The following IQSEC3 variants were observed in gnomAD, a reference collection of about 807,000 sequenced individuals.
IQSEC3 encodes the protein IQ motif and SEC7 domain-containing protein 3.
IQSEC3 carries 50 observed loss-of-function variants against 105.4 expected under a neutral mutation model. The observed-to-expected ratio is 0.47, with a 90% CI of 0.38 to 0.60. The LOEUF (loss-of-function observed/expected upper bound fraction) is 0.60. IQSEC3 is among the 20% of genes least tolerant of loss of function. IQSEC3 has a pLI of 0.00. For missense variants in IQSEC3, 1,415 were observed against 1,630.0 expected (o/e 0.87, Z 2.27); for synonymous variants, 708 against 746.0 (o/e 0.95, Z 0.83).
At chr12:155,177 C>T (rs12306762) in intron 5 of IQSEC3, among the ~76,000 whole-genome samples, 12,975 of 152,262 alleles carry the variant, frequency 0.085, 1,138 homozygotes, top group African/African-American at 0.23. Context: ...GTGAGGAGGG[C>T]CACCGGGAAA....
At position 130,454 on chromosome 12, in the gene IQSEC3, A is replaced by G. The variant is rs1373676110; in HGVS notation, c.903+4542A>G. 2.0e-5 allele frequency among the ~76,000 whole-genome samples: 3 copies of G among 152,296 alleles called. No homozygotes were observed. The East Asian group carries it at 5.8e-4, about 29-fold the overall frequency. ...AGCCAAGACATGGACTCCGCAGCCC[A>G]TGGTTTCGACCCTGTACCTTCCACC... On this transcript the variant is annotated intron_variant, in intron 3 of 13. Coordinates refer to ENST00000538872, the MANE Select transcript of IQSEC3 (RefSeq NM_001170738.2).
At chr12:171,483 C>T in intron 13 of IQSEC3, 1 of 639,490 alleles carries the variant, frequency 1.6e-6, no homozygotes, top group Admixed American at 2.8e-5. Flanking sequence ...AAATCCACCT[C>T]CCCAGCAAAT....
intron 5 of IQSEC3, among the ~76,000 whole-genome samples, chr12:146,704 AAGGGAGGG>A (rs1178210235): frequency 2.0e-5 from 3 of 146,860 alleles, no homozygotes; most frequent in Non-Finnish European, 4.5e-5. Flanking sequence ...GAGTGGGAGG[AAGGGAGGG>A]AGGGAGGGAG....
intron 1 of IQSEC3, among the ~76,000 whole-genome samples, chr12:74,416 T>A (rs1863439420): frequency 6.6e-6 from 1 of 152,144 alleles, no homozygotes; most frequent in African/African-American, 2.4e-5. Context: ...TCTCCCAGGG[T>A]GTTTGTGACT....
intron 1 of IQSEC3, among the ~76,000 whole-genome samples, chr12:72,764 G>A (rs1190593139): frequency 1.9e-5 from 2 of 106,896 alleles, no homozygotes; most frequent in Non-Finnish European, 4.2e-5. Context: ...GGGAATCAGG[G>A]CCAGGCGTGG....
chr12:85,777 C>T (rs562231356), intron 1 of IQSEC3, among the ~76,000 whole-genome samples: 1 of 152,172 alleles, frequency 6.6e-6, no homozygotes, highest in Non-Finnish European at 1.5e-5. Context: ...TGAGCCTCCT[C>T]ATCTGTAAAA....
At chr12:120,059 G>A (rs1384120505) in intron 2 of IQSEC3, among the ~76,000 whole-genome samples, 4 of 152,164 alleles carry the variant, frequency 2.6e-5, no homozygotes, top group Non-Finnish European at 5.9e-5. Flanking sequence ...CATCTTATGA[G>A]CCAACCACCT....
In IQSEC3 at chr12:138,959, C is replaced by T; in HGVS notation, c.1596C>T (p.Thr532=). The part of the protein sequence containing the change: ...PAAGKAEQGE[T]SGREAPEAPA... ...CGGGCAAGGCCGAGCAGGGCGAGAC[C>T]TCTGGGCGGGAGGCCCCGGAAGCCC... Residue 532 remains threonine, a synonymous_variant, in exon 4 of 14, where the codon ACC becomes ACT. Transcript: ENST00000538872. The surrounding 1 kb of genome is among the most constrained non-coding windows in gnomAD (Gnocchi z 7.1). 6.4e-7 allele frequency: 1 copy of T among 1,561,972 alleles called. No homozygotes were observed. The highest frequency in any genetic ancestry group is 8.7e-7 in the Non-Finnish European group (1 of 1,154,462).
At chr12:161,872 C>CT in intron 7 of IQSEC3, 54 bp from the exon 8 acceptor site, 5 of 1,503,310 alleles carry the variant, frequency 3.3e-6, no homozygotes. Flanking sequence ...CTCCAGGGCT[C>CT]TGACACCCTC....
At chr12:173,824 T>A (rs554278863) in intron 13 of IQSEC3, among the ~76,000 whole-genome samples, 31 of 152,218 alleles carry the variant, frequency 2.0e-4, no homozygotes, top group African/African-American at 7.2e-4. Context: ...GCCAGGCTAG[T>A]CCATAGTGAC....
chr12:103,270 G>A (rs1160729833), intron 2 of IQSEC3, among the ~76,000 whole-genome samples: 1 of 150,896 alleles, frequency 6.6e-6, no homozygotes, highest in African/African-American at 2.4e-5. Context: ...TGATAATGGG[G>A]CCAAGATGAG....
chr12:115,753 T>C (rs1266348009), intron 2 of IQSEC3, among the ~76,000 whole-genome samples: 1 of 152,208 alleles, frequency 6.6e-6, no homozygotes, highest in Non-Finnish European at 1.5e-5. Context: ...GGCGGGATTT[T>C]AACCACAGTC....
intron 1 of IQSEC3, among the ~76,000 whole-genome samples, chr12:87,729 A>G (rs782802347): frequency 1.3e-5 from 2 of 152,194 alleles, no homozygotes; most frequent in Non-Finnish European, 2.9e-5. Context: ...ATGACACTGA[A>G]GACCAGTGGG....
At chr12:134,949 A>G (rs1245866994) in intron 3 of IQSEC3, among the ~76,000 whole-genome samples, 1 of 152,156 alleles carries the variant, frequency 6.6e-6, no homozygotes, top group Non-Finnish European at 1.5e-5. Context: ...AAACATGGCA[A>G]AACCCTGTCT....
At chr12:157,749 C>T (rs1428499378) in intron 7 of IQSEC3, 55 bp downstream of exon 7, 2 of 1,555,182 alleles carry the variant, frequency 1.3e-6, no homozygotes, top group African/African-American at 2.7e-5. Flanking sequence ...AGGCCCCATT[C>T]TGTGCACCGT....
intron 5 of IQSEC3, among the ~76,000 whole-genome samples, chr12:145,526 A>G (rs1555090740): frequency 6.6e-6 from 1 of 152,188 alleles, no homozygotes; most frequent in Admixed American, 6.5e-5. Flanking sequence ...CTCCTCAAAC[A>G]TGACTCAAAC....
intron 5 of IQSEC3, among the ~76,000 whole-genome samples, chr12:156,274 C>T (rs1459592027): frequency 6.6e-6 from 1 of 152,206 alleles, no homozygotes; most frequent in Non-Finnish European, 1.5e-5. Flanking sequence ...CCAGCCTCCT[C>T]CCTTTTCAGA....
intron 1 of IQSEC3, among the ~76,000 whole-genome samples, chr12:86,788 C>T (rs782494044): frequency 2.0e-5 from 3 of 151,990 alleles, no homozygotes; most frequent in Non-Finnish European, 2.9e-5. Flanking sequence ...TCTTGTATGA[C>T]CTCCCTTTTA....
At chr12:163,059 G>A (rs1475360672) in intron 8 of IQSEC3, among the ~76,000 whole-genome samples, 1 of 152,052 alleles carries the variant, frequency 6.6e-6, no homozygotes, top group Admixed American at 6.5e-5. Context: ...GGGACAGGGG[G>A]TGAACGTGCG....
Sources: allele counts gnomAD v4.1 joint callset (sites outside exome capture counted in the v4.1 genomes callset), GRCh38; gene constraint gnomAD v4.1.1; non-coding constraint Gnocchi (gnomAD v3.1); transcripts MANE v1.5; gene names NCBI Gene and HGNC (gene_info 2026-07-23, HGNC 2026-07-21).